DOCK5: variants seen among roughly 807,000 people sequenced by gnomAD.
The protein encoded by DOCK5 is dedicator of cytokinesis 5, also known as dedicator of cytokinesis protein 5.
Under a neutral mutation model 251.8 loss-of-function variants are expected in DOCK5, and 142 were observed. That is an observed-to-expected ratio of 0.56 (90% CI 0.49 to 0.65). DOCK5 has a LOEUF of 0.65. Among genes scored for constraint, DOCK5 ranks in the 30% least tolerant of loss-of-function variants. The pLI is 0.00. For missense variants in DOCK5, 2,111 were observed against 2,312.3 expected, an observed-to-expected ratio of 0.91 and a Z score of 1.79; for synonymous variants, 842 against 835.5, an observed-to-expected ratio of 1.01 and a Z score of -0.13.
chr8:25,328,136 A>G (rs1805605493), intron 18 of DOCK5, among the ~76,000 whole-genome samples: 1 of 152,098 alleles, frequency 6.6e-6, no homozygotes, highest in Non-Finnish European at 1.5e-5. Context: ...ATACATTTTC[A>G]TCATCACAGA....
At chr8:25,292,467 G>C (rs145387538) in intron 6 of DOCK5, among the ~76,000 whole-genome samples, 2 of 152,244 alleles carry the variant, frequency 1.3e-5, no homozygotes, top group South Asian at 2.1e-4. Flanking sequence ...CAAAAAACCT[G>C]GCTGGGCACA....
rs79440828 is a variant in DOCK5 at position 25,397,814 on chromosome 8, A to G, written c.4704+2095A>G. ...TGACAGTGTTCTAATTAAAATGAAC[A>G]AAAAGCTAGGATAAATACATACATA... On this transcript the variant is annotated intron_variant, in intron 45 of 51. Transcript: ENST00000276440. Among the ~76,000 whole-genome samples, 6 of 152,344 alleles carry G rather than the reference A, an allele frequency of 3.9e-5. No homozygotes were observed. The East Asian group carries it at 1.2e-3, about 29-fold the overall frequency.
intron 22 of DOCK5, among the ~76,000 whole-genome samples, chr8:25,338,960 C>T (rs1371595967): frequency 2.0e-5 from 3 of 152,114 alleles, no homozygotes; most frequent in African/African-American, 4.8e-5. Context: ...AAGGTTAGGG[C>T]GACAGAGGAC....
intron 2 of DOCK5, among the ~76,000 whole-genome samples, chr8:25,256,669 A>G (rs1359252547): frequency 6.7e-6 from 1 of 148,670 alleles, no homozygotes; most frequent in East Asian, 2.0e-4. Flanking sequence ...AGAATCTGTT[A>G]TAGTTGGAAT....
chr8:25,371,580 T>G (rs967450935), intron 34 of DOCK5, among the ~76,000 whole-genome samples: 1 of 152,270 alleles, frequency 6.6e-6, no homozygotes, highest in South Asian at 2.1e-4. Context: ...TTGGTCTTTT[T>G]TATCCTGTTT....
At chr8:25,318,831 A>C (rs1586325241) in intron 14 of DOCK5, among the ~76,000 whole-genome samples, 4 of 151,918 alleles carry the variant, frequency 2.6e-5, no homozygotes, top group Admixed American at 2.6e-4. Context: ...GTCCTGTTGC[A>C]TAGTTGTTTG....
chr8:25,304,420 T>C, intron 11 of DOCK5, 93 bp downstream of exon 11: 2 of 1,105,278 alleles, frequency 1.8e-6, no homozygotes, highest in Non-Finnish European at 2.5e-6. Context: ...GAAACCATTT[T>C]CTCAGAGAAG....
chr8:25,243,736 C>A lies in DOCK5; in HGVS notation c.106C>A (p.His36Asn), dbSNP rs1464260220. ...ELSLQIGDTV[H>N]ILEMYEGWYR... ...CTCCTTGCAGATCGGTGACACAGTTCACATCCTGGAGATGTACGAGGGTAA... is the reference window on the plus strand; with the variant it reads ...CTCCTTGCAGATCGGTGACACAGTTAACATCCTGGAGATGTACGAGGGTAA... The change falls in exon 2 of 52, where the codon CAC becomes AAC. Residue 36 changes from histidine to asparagine, a missense_variant. Physicochemically the swap from His to Asn is moderately conservative, Grantham distance 68 (BLOSUM62 1). Around this residue, in one of 3 missense-constraint regions of DOCK5, gnomAD observed 335 missense variants for 324.9 expected, o/e 1.03. Coordinates refer to ENST00000276440, the MANE Select transcript of DOCK5 (RefSeq NM_024940.8). 6.2e-7 allele frequency: 1 copy of A among 1,613,708 alleles called. No individual in the cohort carries two copies. Among genetic ancestry groups the A allele is most frequent in the Admixed American group, 1.7e-5 (1 of 60,006 alleles).
chr8:25,352,925 A>G (rs1800496164), intron 27 of DOCK5, among the ~76,000 whole-genome samples: 1 of 152,148 alleles, frequency 6.6e-6, no homozygotes, highest in African/African-American at 2.4e-5. Flanking sequence ...AAATTTGGGT[A>G]AAAACTTGAG....
intron 3 of DOCK5, among the ~76,000 whole-genome samples, chr8:25,274,535 G>A (rs1404369669): frequency 2.6e-5 from 4 of 152,170 alleles, no homozygotes; most frequent in South Asian, 4.1e-4. Flanking sequence ...CTATCCACCA[G>A]TTTCTCCTCT....
chr8:25,211,633 C>G lies in DOCK5; in HGVS notation c.43+26682C>G, dbSNP rs1038215801. Among the ~76,000 whole-genome samples the G allele has an allele frequency of 7.4e-5, 5 of 67,388 alleles. 2 individuals are homozygous for G. Among genetic ancestry groups the G allele is most frequent in the African/African-American group, 1.7e-4 (5 of 29,726 alleles). 44.2% of individuals were successfully genotyped at this position (67,388 alleles called of 152,430 possible). On this transcript the variant is annotated intron_variant, in intron 1 of 51. Transcript: ENST00000276440. Reference sequence around the variant, plus strand: ...AGCAGCCTAGGCAACATAGAGAGACCACATCTCTGCAAAAACATTAAAAAA... The same window carrying G: ...AGCAGCCTAGGCAACATAGAGAGACGACATCTCTGCAAAAACATTAAAAAA...
chr8:25,230,754 G>A (rs1235247252), intron 1 of DOCK5, among the ~76,000 whole-genome samples: 2 of 152,114 alleles, frequency 1.3e-5, no homozygotes, highest in Non-Finnish European at 2.9e-5. Context: ...GGGAGGCTGA[G>A]GCAGGAGAAT....
chr8:25,347,001 G>C (rs1166102324), intron 26 of DOCK5, among the ~76,000 whole-genome samples: 1 of 152,122 alleles, frequency 6.6e-6, no homozygotes, highest in East Asian at 1.9e-4. Flanking sequence ...ACAAATTATA[G>C]TTACCACGTC....
Position 25,319,437 on chromosome 8 carries a change from C to T in DOCK5, c.1444-141C>T, listed in dbSNP as rs533854716. ...TTCAGTCTTCTCTGTTCTTCATCCC[C>T]CAAACTTAATCAGCCGATCAGTGCC... On this transcript the variant is annotated intron_variant, in intron 14 of 51. Transcript: ENST00000276440. The T allele has an allele frequency of 6.8e-4, 360 of 529,812 alleles. 6 individuals are homozygous for T. In the South Asian group the frequency reaches 9.4e-3, roughly 14 times the overall value. The allele number at this position is 529,812 out of a possible 1,614,324, so 32.8% of individuals were successfully genotyped here.
At chr8:25,352,096 G>A (rs1169699801) in intron 27 of DOCK5, among the ~76,000 whole-genome samples, 1 of 151,806 alleles carries the variant, frequency 6.6e-6, no homozygotes, top group Non-Finnish European at 1.5e-5. Context: ...GCCTGTGGTT[G>A]CAGCTACTCA....
intron 2 of DOCK5, among the ~76,000 whole-genome samples, chr8:25,250,924 T>C (rs1803252660): frequency 6.6e-6 from 1 of 152,148 alleles, no homozygotes; most frequent in African/African-American, 2.4e-5. Context: ...ACAAGGACAT[T>C]TCATCTAAAT....
intron 28 of DOCK5, among the ~76,000 whole-genome samples, chr8:25,362,165 A>G (rs1236103431): frequency 5.3e-5 from 8 of 152,206 alleles, no homozygotes; most frequent in Non-Finnish European, 1.5e-5. Flanking sequence ...TCCAGGCTGC[A>G]CATGATAACG....
intron 27 of DOCK5, among the ~76,000 whole-genome samples, chr8:25,353,180 T>G (rs1339638432): frequency 6.6e-6 from 1 of 152,026 alleles, no homozygotes; most frequent in African/African-American, 2.4e-5. Context: ...CTACAAAAAT[T>G]TTTTAAAAAA....
intron 1 of DOCK5, among the ~76,000 whole-genome samples, chr8:25,189,527 A>G (rs1219410326): frequency 6.6e-6 from 1 of 151,824 alleles, no homozygotes; most frequent in Non-Finnish European, 1.5e-5. Flanking sequence ...CAACCAGTTG[A>G]TTTTTGTATT....
Sources: allele counts gnomAD v4.1 joint callset (sites outside exome capture counted in the v4.1 genomes callset), GRCh38; gene constraint gnomAD v4.1.1; regional missense constraint gnomAD v4.1.1; transcripts MANE v1.5; gene names NCBI Gene and HGNC (gene_info 2026-07-23, HGNC 2026-07-21).